GUCY2F: variants seen among roughly 807,000 people sequenced by gnomAD.
The protein encoded by GUCY2F is retinal guanylyl cyclase 2.
Under a neutral mutation model 73.1 loss-of-function variants are expected in GUCY2F, and 61 were observed. The ratio of observed to expected loss-of-function variants is 0.83; its 90% CI spans 0.68 to 1.03. The LOEUF (loss-of-function observed/expected upper bound fraction) is 1.03. Among genes scored for constraint, GUCY2F ranks in the 50% least tolerant of loss-of-function variants. The probability of loss-of-function intolerance (pLI) is 0.00; values close to 1 mark genes in which losing one functional copy is unlikely to be tolerated. For synonymous variants in GUCY2F, 331 were observed against 307.8 expected (o/e 1.08, Z -0.79); for missense variants, 912 against 854.3 (o/e 1.07, Z -0.84).
intron 3 of GUCY2F, 82 bp from the exon 4 acceptor site, chrX:109,453,941 T>C: frequency 1.9e-6 from 1 of 531,583 alleles, no homozygotes; most frequent in Non-Finnish European, 3.0e-6. Context: ...GTGTTCATTA[T>C]TATGGTCTGC....
chrX:109,446,118 T>C (rs906763328), intron 6 of GUCY2F, among the ~76,000 whole-genome samples: 2 of 111,374 alleles, frequency 1.8e-5, no homozygotes, highest in Non-Finnish European at 3.8e-5. Context: ...CTCAACGAAA[T>C]AAAAGAGGAC....
At chrX:109,466,866 C>T (rs767957637) in intron 2 of GUCY2F, among the ~76,000 whole-genome samples, 46 of 112,268 alleles carry the variant, frequency 4.1e-4, no homozygotes, top group African/African-American at 1.5e-3. Flanking sequence ...TTGCTAAGCA[C>T]CCCTAGAAAG....
Position 109,453,878 on chromosome X carries a change from A to G in GUCY2F, c.1033-19T>C. 6.1e-6 allele frequency: 6 copies of G among 986,874 alleles called. No homozygotes were observed. The highest frequency in any genetic ancestry group is 8.4e-6 in the Non-Finnish European group (6 of 714,735). 81.3% of individuals were successfully genotyped at this position (986,874 alleles called of 1,213,427 possible). A position where few individuals can be genotyped will look rare whatever the true frequency, so the allele number is the denominator to read the frequency against. On this transcript the variant is annotated intron_variant, in intron 3 of 19. Coordinates refer to ENST00000218006, the MANE Select transcript of GUCY2F (RefSeq NM_001522.3). The stretch of plus-strand genomic sequence containing the variant: ...GTGAAACCTATTTTTAAAAATTACA[A>G]TTATCTTGAGCCCTGGTCGCCCTAG...
At chrX:109,412,620 T>C (rs1049724201) in intron 8 of GUCY2F, among the ~76,000 whole-genome samples, 6 of 112,608 alleles carry the variant, frequency 5.3e-5, no homozygotes, top group African/African-American at 1.9e-4. Context: ...AAGTAAAAAG[T>C]TGTCATATTC....
At position 109,398,592 on chromosome X, in the gene GUCY2F, C is replaced by A. The variant is rs776454451; in HGVS notation, c.2232G>T (p.Met744Ile). The part of the protein sequence containing the change: ...YSFAIIMQEV[M>I]VRGTPFCMMD... ...TCATGCAGAATGGGGTACCCCGGAC[C>A]ATCACTTCTTGCATGATGATGGCAA... Residue 744 changes from methionine to isoleucine, a missense_variant, in exon 11 of 20, where the codon ATG (methionine) becomes ATT (isoleucine). Coordinates refer to ENST00000218006, the MANE Select transcript of GUCY2F (RefSeq NM_001522.3). 1 of 1,209,433 alleles carries A rather than the reference C, an allele frequency of 8.3e-7. No homozygotes were observed. Among genetic ancestry groups the A allele is most frequent in the South Asian group, 1.8e-5 (1 of 56,817 alleles).
At chrX:109,472,975 C>T (rs1932606076) in intron 2 of GUCY2F, among the ~76,000 whole-genome samples, 1 of 111,256 alleles carries the variant, frequency 9.0e-6, no homozygotes, top group Non-Finnish European at 1.9e-5. Flanking sequence ...GGGTATTACA[C>T]ACTCCTTTGA....
chrX:109,459,918 G>A (rs976674765), intron 3 of GUCY2F, among the ~76,000 whole-genome samples: 2 of 110,765 alleles, frequency 1.8e-5, no homozygotes, highest in Non-Finnish European at 3.8e-5. Flanking sequence ...ATAGAGAGCA[G>A]AAGAAAACTT....
At chrX:109,429,030 C>T (rs1931550324) in intron 8 of GUCY2F, among the ~76,000 whole-genome samples, 1 of 112,121 alleles carries the variant, frequency 8.9e-6, no homozygotes, top group Non-Finnish European at 1.9e-5. Flanking sequence ...GTAGAATTGT[C>T]TATTTTAGTT....
intron 8 of GUCY2F, among the ~76,000 whole-genome samples, chrX:109,423,063 G>T (rs1270243243): frequency 8.9e-6 from 1 of 112,246 alleles, no homozygotes; most frequent in Non-Finnish European, 1.9e-5. Context: ...AAACAGAACT[G>T]TGGTTGCCTC....
In GUCY2F at chrX:109,383,037, T is replaced by A. The variant is rs184994478; in HGVS notation, c.3056-825A>T. Among the ~76,000 whole-genome samples the A allele has an allele frequency of 3.0e-3, 332 of 109,704 alleles. 2 individuals carry two copies. Among genetic ancestry groups the A allele is most frequent in the Middle Eastern group, 9.3e-3 (2 of 214 alleles). On this transcript the variant is annotated intron_variant, in intron 16 of 19. Coordinates refer to ENST00000218006, the MANE Select transcript of GUCY2F (RefSeq NM_001522.3). ...ACATGCTTGAGAAAATCATTTTTTTTAAAAAAAAAGCTGATTACAACCTGA... is the reference window on the plus strand; with the variant it reads ...ACATGCTTGAGAAAATCATTTTTTTAAAAAAAAAAGCTGATTACAACCTGA...
At chrX:109,461,613 C>T (rs1227894729) in intron 3 of GUCY2F, among the ~76,000 whole-genome samples, 1 of 111,763 alleles carries the variant, frequency 8.9e-6, no homozygotes, top group African/African-American at 3.3e-5. Flanking sequence ...GAGTGATGTG[C>T]TAGTAAGTGT....
At chrX:109,447,182 G>T (rs977269070) in intron 6 of GUCY2F, among the ~76,000 whole-genome samples, 1 of 112,051 alleles carries the variant, frequency 8.9e-6, no homozygotes, top group Non-Finnish European at 1.9e-5. Context: ...TTGGTGGGAT[G>T]TAAACTAGTT....
intron 1 of GUCY2F, among the ~76,000 whole-genome samples, chrX:109,479,346 T>C (rs1932751151): frequency 8.9e-6 from 1 of 112,203 alleles, no homozygotes; most frequent in Non-Finnish European, 1.9e-5. Flanking sequence ...TGTCTTTCAA[T>C]AAACACTGGT....
chrX:109,373,297 A>T (rs191229502), intron 19 of GUCY2F, among the ~76,000 whole-genome samples: 1 of 111,936 alleles, frequency 8.9e-6, no homozygotes, highest in East Asian at 2.8e-4. Flanking sequence ...TAAATCAATG[A>T]TTTGGAACTT....
intron 3 of GUCY2F, among the ~76,000 whole-genome samples, chrX:109,454,669 G>T (rs1932219670): frequency 8.9e-6 from 1 of 111,973 alleles, no homozygotes; most frequent in African/African-American, 3.2e-5. Context: ...CAGATGCACT[G>T]CCCATTAACC....
intron 8 of GUCY2F, among the ~76,000 whole-genome samples, chrX:109,424,309 A>T (rs1368914036): frequency 8.9e-6 from 1 of 112,200 alleles, no homozygotes; most frequent in Non-Finnish European, 1.9e-5. Flanking sequence ...AAGTGATAAA[A>T]TCAGACTCAA....
chrX:109,465,137 C>G lies in GUCY2F; in HGVS notation c.1032+5G>C. ...GCTCATGACAACCTATGAATGTGTACTTACTTGATCGAACTCCAGCTTCTC... is the reference window on the plus strand; with the variant it reads ...GCTCATGACAACCTATGAATGTGTAGTTACTTGATCGAACTCCAGCTTCTC... On this transcript the variant is annotated splice_donor_5th_base_variant and intron_variant, in intron 3 of 19. Transcript: ENST00000218006. The G allele has an allele frequency of 1.7e-6, 2 of 1,192,292 alleles. No homozygotes were observed. Among genetic ancestry groups the G allele is most frequent in the South Asian group, 1.8e-5 (1 of 56,117 alleles).
At chrX:109,408,602 A>G (rs1931028093) in intron 9 of GUCY2F, among the ~76,000 whole-genome samples, 1 of 112,249 alleles carries the variant, frequency 8.9e-6, no homozygotes, top group Non-Finnish European at 1.9e-5. Context: ...GTGTAGTGGG[A>G]GGGACCCGGG....
chrX:109,398,544 C>T lies in GUCY2F; in HGVS notation c.2275+5G>A. On this transcript the variant is annotated splice_donor_5th_base_variant and intron_variant, in intron 11 of 19. Transcript: ENST00000218006. ...CCTGGGGCCCTTTTCTCACCTCCCG[C>T]TTACCTTGAGCTGGCAGATCCATCA... 1 of 1,207,171 alleles carries T rather than the reference C, an allele frequency of 8.3e-7. No homozygotes were observed. Among genetic ancestry groups the T allele is most frequent in the Non-Finnish European group, 1.1e-6 (1 of 892,524 alleles).
Sources: gnomAD v4.1 joint callset for allele counts (sites outside exome capture counted in the v4.1 genomes callset) on GRCh38, gnomAD v4.1.1 for gene constraint, MANE v1.5 for transcripts, NCBI Gene and HGNC (gene_info 2026-07-23, HGNC 2026-07-21) for gene names.